Variants in MRPS9 observed in about 807,000 individuals in gnomAD.
The protein encoded by MRPS9 is small ribosomal subunit protein uS9m.
Under a neutral mutation model 59.9 loss-of-function variants are expected in MRPS9, and 45 were observed. That is an observed-to-expected ratio of 0.75 (90% CI 0.59 to 0.96). The LOEUF is 0.96. Ranked by LOEUF, MRPS9 falls within the 40% of genes least tolerant of loss-of-function variation. The pLI, the probability that MRPS9 is intolerant of heterozygous loss-of-function variation, is 0.00. For missense variants in MRPS9, 473 were observed against 481.1 expected, an observed-to-expected ratio of 0.98 and a Z score of 0.16; for synonymous variants, 171 against 166.8, an observed-to-expected ratio of 1.03 and a Z score of -0.19.
At chr2:105,045,773 A>G (rs1051988603) in intron 1 of MRPS9, among the ~76,000 whole-genome samples, 1 of 152,072 alleles carries the variant, frequency 6.6e-6, no homozygotes, top group African/African-American at 2.4e-5. Context: ...GATTACAGAC[A>G]TTGTATGGAT....
At chr2:105,056,906 C>T (rs1308119289) in intron 2 of MRPS9, among the ~76,000 whole-genome samples, 1 of 152,030 alleles carries the variant, frequency 6.6e-6, no homozygotes, top group Non-Finnish European at 1.5e-5. Flanking sequence ...AAAGTTTTAT[C>T]ACTTAGAAGA....
At chr2:105,046,292 C>G (rs1245328789) in intron 1 of MRPS9, among the ~76,000 whole-genome samples, 1 of 151,964 alleles carries the variant, frequency 6.6e-6, no homozygotes, top group Non-Finnish European at 1.5e-5. Context: ...AGACCATCTT[C>G]TATTTCATAG....
At chr2:105,078,892 A>G (rs1680267706) in intron 4 of MRPS9, among the ~76,000 whole-genome samples, 1 of 152,062 alleles carries the variant, frequency 6.6e-6, no homozygotes, top group Admixed American at 6.6e-5. Context: ...AGAGAGCCCA[A>G]AGCCTTAAAG....
In MRPS9 at chr2:105,092,395, C is replaced by G; in HGVS notation, c.652-6C>G. 6.3e-7 allele frequency: 1 copy of G among 1,594,074 alleles called. No homozygotes were observed. Among genetic ancestry groups the G allele is most frequent in the African/African-American group, 1.4e-5 (1 of 74,000 alleles). On this transcript the variant is annotated splice_polypyrimidine_tract_variant and splice_region_variant and intron_variant, in intron 7 of 10. Coordinates refer to ENST00000258455, the MANE Select transcript of MRPS9 (RefSeq NM_182640.3). ...GCACCTTCTAATGAATTTTTATTGT[C>G]TGCAGTATATGCAGTTCATTCGGCT...
At chr2:105,091,772 C>G (rs1680564011) in intron 7 of MRPS9, among the ~76,000 whole-genome samples, 1 of 151,998 alleles carries the variant, frequency 6.6e-6, no homozygotes, top group Non-Finnish European at 1.5e-5. Context: ...TGTTTACTTT[C>G]TAATCACATG....
intron 2 of MRPS9, among the ~76,000 whole-genome samples, chr2:105,051,921 T>G (rs1320154032): frequency 1.3e-5 from 2 of 152,192 alleles, no homozygotes; most frequent in Non-Finnish European, 2.9e-5. Context: ...ATTCTCATAG[T>G]TCTTAGTGGA....
chr2:105,042,491 C>T (rs931660990), intron 1 of MRPS9, among the ~76,000 whole-genome samples: 3 of 152,220 alleles, frequency 2.0e-5, no homozygotes, highest in African/African-American at 7.2e-5. Context: ...CTGCCTACAA[C>T]AGTGGAAGAC....
intron 5 of MRPS9, among the ~76,000 whole-genome samples, chr2:105,084,828 C>T (rs1376138793): frequency 6.6e-6 from 1 of 151,980 alleles, no homozygotes; most frequent in Non-Finnish European, 1.5e-5. Context: ...ATTTTCCTCC[C>T]ATATGAATAA....
chr2:105,038,261 C>G, intron 1 of MRPS9, 34 bp downstream of exon 1: 2 of 1,592,688 alleles, frequency 1.3e-6, no homozygotes, highest in South Asian at 1.1e-5. Flanking sequence ...CGGCTTACCT[C>G]TGCCGCGCGA....
intron 1 of MRPS9, among the ~76,000 whole-genome samples, chr2:105,048,147 T>C (rs1440707573): frequency 6.6e-6 from 1 of 152,022 alleles, no homozygotes; most frequent in Admixed American, 6.6e-5. Context: ...GTGGCACATA[T>C]ACACCATGGA....
chr2:105,070,198 C>T (rs1178155846), intron 2 of MRPS9, among the ~76,000 whole-genome samples: 1 of 152,146 alleles, frequency 6.6e-6, no homozygotes, highest in Non-Finnish European at 1.5e-5. Flanking sequence ...TGGTTTATAA[C>T]ACCTGGCCTC....
intron 5 of MRPS9, 139 bp from the exon 6 acceptor site, chr2:105,088,842 TTTA>T (rs1241066720): frequency 2.2e-6 from 1 of 452,902 alleles, no homozygotes; most frequent in African/African-American, 2.0e-5. Context: ...CATTTTCAGT[TTTA>T]TTTACTCTGC....
At chr2:105,075,706 T>TC (rs1291924041) in intron 4 of MRPS9, among the ~76,000 whole-genome samples, 2 of 152,194 alleles carry the variant, frequency 1.3e-5, no homozygotes, top group African/African-American at 4.8e-5. Context: ...GGCCTTTTTT[T>TC]CTCTCCAGGA....
At chr2:105,068,809 A>AT (rs1228482132) in intron 2 of MRPS9, among the ~76,000 whole-genome samples, 1 of 152,164 alleles carries the variant, frequency 6.6e-6, no homozygotes, top group Admixed American at 6.5e-5. Flanking sequence ...ATAGTACTTG[A>AT]TTGCACAGAT....
intron 3 of MRPS9, 38 bp from the exon 4 acceptor site, chr2:105,071,421 A>G: frequency 6.3e-7 from 1 of 1,584,136 alleles, no homozygotes; most frequent in Non-Finnish European, 8.6e-7. Context: ...TTTATATGTT[A>G]TGATAATTAT....
In MRPS9 at chr2:105,050,144, C is replaced by CTTTT. The variant is rs201774328; in HGVS notation, c.315+795_315+798dup. Among the ~76,000 whole-genome samples the CTTTT allele has an allele frequency of 1.3e-5, 2 of 150,882 alleles. 1 individual carries two copies. Among genetic ancestry groups the CTTTT allele is most frequent in the Non-Finnish European group, 3.0e-5 (2 of 67,620 alleles). Reference sequence around the variant, plus strand: ...CAGAAGGATTTTTTTCTTTTCTTTTCTTTTCTTTTTTTTGAGACAGAGTCT... The same window carrying CTTTT: ...CAGAAGGATTTTTTTCTTTTCTTTTCTTTTTTTTCTTTTTTTTGAGACAGAGTCT... On this transcript the variant is annotated intron_variant, in intron 2 of 10. Coordinates refer to ENST00000258455, the MANE Select transcript of MRPS9 (RefSeq NM_182640.3).
intron 2 of MRPS9, among the ~76,000 whole-genome samples, chr2:105,064,661 C>T (rs954358701): frequency 2.0e-5 from 3 of 152,088 alleles, no homozygotes; most frequent in Admixed American, 1.3e-4. Flanking sequence ...GAAAGAGGCT[C>T]GTTCTCTGTT....
At chr2:105,071,790 A>G (rs1305094618) in intron 4 of MRPS9, among the ~76,000 whole-genome samples, 2 of 152,214 alleles carry the variant, frequency 1.3e-5, no homozygotes, top group East Asian at 3.8e-4. Context: ...AACTAATTCA[A>G]CTTCTGTTTA....
intron 1 of MRPS9, chr2:105,038,434 G>T: frequency 1.6e-6 from 1 of 619,522 alleles, no homozygotes; most frequent in Non-Finnish European, 2.7e-6. Flanking sequence ...TTTTTGCGGG[G>T]TGCAGCGAGG....
Sources: allele counts gnomAD v4.1 joint callset (sites outside exome capture counted in the v4.1 genomes callset), GRCh38; gene constraint gnomAD v4.1.1; transcripts MANE v1.5; gene names NCBI Gene and HGNC (gene_info 2026-07-23, HGNC 2026-07-21).